The following PRKCB variants were observed in gnomAD, a reference collection of about 807,000 sequenced individuals.
PRKCB encodes the protein protein kinase C beta.
A neutral mutation model predicts 81.5 loss-of-function variants in PRKCB; 13 were observed. The observed-to-expected ratio is 0.16, with a 90% CI of 0.10 to 0.25. The LOEUF (loss-of-function observed/expected upper bound fraction) is 0.25. Ranked by LOEUF, PRKCB falls within the 10% of genes least tolerant of loss-of-function variation. The pLI is 1.00. For synonymous variants in PRKCB, 335 were observed against 321.4 expected, an observed-to-expected ratio of 1.04 and a Z score of -0.45; for missense variants, 509 against 875.7, an observed-to-expected ratio of 0.58 and a Z score of 5.29.
At chr16:24,167,361 G>A (rs1967363569) in intron 10 of PRKCB, among the ~76,000 whole-genome samples, 1 of 151,964 alleles carries the variant, frequency 6.6e-6, no homozygotes, top group South Asian at 2.1e-4. Context: ...CTAAAAATTA[G>A]TCAGTGTGGG....
chr16:23,927,959 T>C (rs887832378), intron 2 of PRKCB, among the ~76,000 whole-genome samples: 9 of 151,548 alleles, frequency 5.9e-5, no homozygotes, highest in Non-Finnish European at 8.8e-5. Flanking sequence ...TAGCTGCACA[T>C]CAGTAGTCAT....
chr16:23,974,338 T>C (rs546901004), intron 2 of PRKCB, among the ~76,000 whole-genome samples: 65 of 152,056 alleles, frequency 4.3e-4, no homozygotes, highest in African/African-American at 1.5e-3. Context: ...CCAGCAGGAA[T>C]AGAATTCCTG....
chr16:23,863,206 GTA>G (rs1321862427), intron 2 of PRKCB, among the ~76,000 whole-genome samples: 2 of 60,528 alleles, frequency 3.3e-5, no homozygotes, highest in Non-Finnish European at 8.6e-5. Flanking sequence ...GTATATATGT[GTA>G]TATATACATA....
chr16:23,936,579 A>ATTTTTTTTTTT (rs57643578), intron 2 of PRKCB, among the ~76,000 whole-genome samples: 17 of 96,036 alleles, frequency 1.8e-4, no homozygotes, highest in East Asian at 6.4e-4. Flanking sequence ...CACCCAACTA[A>ATTTTTTTTTTT]TTTTTTTTTT....
At chr16:23,984,334 T>C (rs919098651) in intron 2 of PRKCB, among the ~76,000 whole-genome samples, 2 of 152,206 alleles carry the variant, frequency 1.3e-5, no homozygotes, top group Non-Finnish European at 2.9e-5. Context: ...GAAACTGAAG[T>C]ACAGGAAGAT....
chr16:23,842,106 C>G (rs1366178166), intron 2 of PRKCB, among the ~76,000 whole-genome samples: 1 of 152,040 alleles, frequency 6.6e-6, no homozygotes, highest in South Asian at 2.1e-4. Flanking sequence ...AAGGAAGTGA[C>G]TTTGGTAGAA....
chr16:23,852,339 C>T (rs188396071), intron 2 of PRKCB, among the ~76,000 whole-genome samples: 3 of 152,048 alleles, frequency 2.0e-5, no homozygotes, highest in Admixed American at 2.0e-4. Context: ...TAATTTTTTT[C>T]AAGTGCTTTT....
chr16:24,074,546 T>C (rs1201975969), intron 5 of PRKCB, among the ~76,000 whole-genome samples: 2 of 152,244 alleles, frequency 1.3e-5, no homozygotes, highest in Admixed American at 6.5e-5. Flanking sequence ...TATTATTTAA[T>C]CTATTTTCTA....
chr16:24,021,298 CCTTCCTTCCTT>C lies in PRKCB; in HGVS notation c.289-10836_289-10826del, dbSNP rs1567347257. Among the ~76,000 whole-genome samples the C allele has an allele frequency of 5.7e-3, 74 of 12,924 alleles. 8 individuals carry two copies. Among genetic ancestry groups the C allele is most frequent in the African/African-American group, 0.024 (54 of 2,276 alleles). 8.5% of individuals were successfully genotyped at this position (12,924 alleles called of 152,430 possible). ...TTTCTTTTCTCCCTCTCCCTCCCTT[CCTTCCTTCCTT>C]CCTTCCTTCCTTCCTTCCTTCCTTC... On this transcript the variant is annotated intron_variant, in intron 3 of 16. Coordinates refer to ENST00000643927, the MANE Select transcript of PRKCB (RefSeq NM_002738.7).
intron 9 of PRKCB, among the ~76,000 whole-genome samples, chr16:24,136,373 G>A (rs956211803): frequency 6.6e-6 from 1 of 152,122 alleles, no homozygotes; most frequent in Non-Finnish European, 1.5e-5. Context: ...GAGTAAAGCG[G>A]GTATTTGCTG....
intron 2 of PRKCB, among the ~76,000 whole-genome samples, chr16:23,979,375 C>G (rs144930164): frequency 6.6e-6 from 1 of 151,884 alleles, no homozygotes; most frequent in African/African-American, 2.4e-5. Flanking sequence ...GGCATTCACA[C>G]GTAAAATCTC....
At chr16:24,029,478 G>C (rs761181074) in intron 3 of PRKCB, among the ~76,000 whole-genome samples, 1 of 152,106 alleles carries the variant, frequency 6.6e-6, no homozygotes, top group Admixed American at 6.6e-5. Flanking sequence ...CTTCCACTAC[G>C]ATTTTAAGTT....
At chr16:24,079,017 C>T (rs970166136) in intron 5 of PRKCB, among the ~76,000 whole-genome samples, 1 of 152,156 alleles carries the variant, frequency 6.6e-6, no homozygotes, top group African/African-American at 2.4e-5. Context: ...GTGACCTGCA[C>T]GTATACATCC....
chr16:24,163,464 T>C (rs1967296375), intron 10 of PRKCB, among the ~76,000 whole-genome samples: 1 of 152,238 alleles, frequency 6.6e-6, no homozygotes, highest in Non-Finnish European at 1.5e-5. Flanking sequence ...CACAGCCTTA[T>C]GCTCTCTGTT....
chr16:24,200,751 T>G (rs766702491), intron 16 of PRKCB, among the ~76,000 whole-genome samples: 22 of 152,074 alleles, frequency 1.4e-4, no homozygotes, highest in Non-Finnish European at 2.9e-4. Context: ...CTCATCCCTT[T>G]TATTAGGATC....
intron 2 of PRKCB, among the ~76,000 whole-genome samples, chr16:23,979,902 A>G (rs941118209): frequency 1.3e-5 from 2 of 152,122 alleles, no homozygotes; most frequent in African/African-American, 4.8e-5. Context: ...TGGGCAACAT[A>G]GTGAGATCCC....
At chr16:24,128,679 G>A (rs997516646) in intron 9 of PRKCB, among the ~76,000 whole-genome samples, 7 of 152,146 alleles carry the variant, frequency 4.6e-5, no homozygotes, top group Non-Finnish European at 4.4e-5. Context: ...GCATTCAAAC[G>A]TGTCATTCAC....
At chr16:23,990,978 T>C (rs1188287773) in intron 3 of PRKCB, among the ~76,000 whole-genome samples, 2 of 152,212 alleles carry the variant, frequency 1.3e-5, no homozygotes, top group Non-Finnish European at 2.9e-5. Flanking sequence ...CCTAGTTCTC[T>C]TACTTTGTTT....
chr16:24,204,226 T>C (rs1968008267), intron 16 of PRKCB, among the ~76,000 whole-genome samples: 1 of 152,134 alleles, frequency 6.6e-6, no homozygotes, highest in Non-Finnish European at 1.5e-5. Context: ...CTTAGCTAAC[T>C]TGCTTGAAGG....
Sources: allele counts gnomAD v4.1 joint callset (sites outside exome capture counted in the v4.1 genomes callset), GRCh38; gene constraint gnomAD v4.1.1; transcripts MANE v1.5; gene names NCBI Gene and HGNC (gene_info 2026-07-23, HGNC 2026-07-21).